Variants in FHIT observed in about 807,000 individuals in gnomAD.
FHIT encodes the protein fragile histidine triad diadenosine triphosphatase, also known as bis(5'-adenosyl)-triphosphatase.
A neutral mutation model predicts 17.9 loss-of-function variants in FHIT; 19 were observed. That is an observed-to-expected ratio of 1.06 (90% CI 0.74 to 1.56). FHIT has a LOEUF of 1.56. Ranked by LOEUF, FHIT falls within the 40% of genes most tolerant of loss-of-function variation. The pLI is 0.00. For missense variants in FHIT, 248 were observed against 189.2 expected, an observed-to-expected ratio of 1.31 and a Z score of -1.82; for synonymous variants, 81 against 69.7, an observed-to-expected ratio of 1.16 and a Z score of -0.81.
intron 5 of FHIT, among the ~76,000 whole-genome samples, chr3:60,355,537 A>T (rs1377388054): frequency 6.6e-6 from 1 of 152,190 alleles, no homozygotes; most frequent in Non-Finnish European, 1.5e-5. Flanking sequence ...AAAAGGCTGC[A>T]TACAATTTTT....
At chr3:60,223,242 C>T (rs965504191) in intron 5 of FHIT, among the ~76,000 whole-genome samples, 1 of 152,234 alleles carries the variant, frequency 6.6e-6, no homozygotes, top group Non-Finnish European at 1.5e-5. Flanking sequence ...TATTACAATA[C>T]CCCTTTGAGG....
At chr3:60,857,179 G>A (rs1703423322) in intron 3 of FHIT, among the ~76,000 whole-genome samples, 1 of 152,082 alleles carries the variant, frequency 6.6e-6, no homozygotes, top group South Asian at 2.1e-4. Context: ...ATCTTGGGAG[G>A]GGGGATTCTA....
intron 5 of FHIT, among the ~76,000 whole-genome samples, chr3:60,427,917 A>G (rs964065844): frequency 2.6e-5 from 4 of 151,960 alleles, no homozygotes; most frequent in Non-Finnish European, 5.9e-5. Context: ...CATCCTCCCA[A>G]TCATTTAGTT....
intron 4 of FHIT, among the ~76,000 whole-genome samples, chr3:60,543,149 G>A (rs1041579032): frequency 4.6e-5 from 7 of 152,058 alleles, no homozygotes; most frequent in African/African-American, 1.7e-4. Flanking sequence ...CACAATGTCT[G>A]TTGCAATTAC....
At chr3:60,310,128 C>T (rs1025872677) in intron 5 of FHIT, among the ~76,000 whole-genome samples, 3 of 151,988 alleles carry the variant, frequency 2.0e-5, no homozygotes, top group African/African-American at 7.3e-5. Flanking sequence ...ATTTCTCTGC[C>T]GTGGGAAAGG....
chr3:60,760,649 T>C lies in FHIT; in HGVS notation c.-18+61270A>G, dbSNP rs918068949. Reference sequence around the variant, plus strand: ...TGAGGAGTCAGAAAAGAAAAAGTAATGCCCAGCAAATTTCTCCTTCCTAAG... The same window carrying C: ...TGAGGAGTCAGAAAAGAAAAAGTAACGCCCAGCAAATTTCTCCTTCCTAAG... On this transcript the variant is annotated intron_variant, in intron 4 of 9. Transcript: ENST00000492590. Among the ~76,000 whole-genome samples, 9 of 152,182 alleles carry C rather than the reference T, an allele frequency of 5.9e-5. No homozygotes were observed. The East Asian group carries it at 1.7e-3, about 29-fold the overall frequency.
At chr3:60,166,397 A>G (rs1418175079) in intron 5 of FHIT, among the ~76,000 whole-genome samples, 1 of 152,174 alleles carries the variant, frequency 6.6e-6, no homozygotes, top group East Asian at 1.9e-4. Context: ...TTTGGCTGCT[A>G]TTTCAAACTT....
At chr3:60,050,522 T>C (rs571538220) in intron 5 of FHIT, among the ~76,000 whole-genome samples, 4 of 152,186 alleles carry the variant, frequency 2.6e-5, no homozygotes, top group Non-Finnish European at 5.9e-5. Context: ...ACTTTCTTAC[T>C]GAAAGAATGT....
intron 5 of FHIT, among the ~76,000 whole-genome samples, chr3:60,336,976 C>CA (rs1710272997): frequency 1.3e-5 from 2 of 151,560 alleles, no homozygotes; most frequent in Middle Eastern, 3.4e-3. Flanking sequence ...AAAATAAAAT[C>CA]AGTGGACAGA....
chr3:60,029,928 T>TGTGTGTGA (rs56924673), intron 5 of FHIT, among the ~76,000 whole-genome samples: 40 of 151,040 alleles, frequency 2.6e-4, no homozygotes, highest in African/African-American at 9.8e-4. Flanking sequence ...TGTGTGTGTG[T>TGTGTGTGA]ACAAATGTGA....
chr3:60,175,752 G>A (rs553021953), intron 5 of FHIT, among the ~76,000 whole-genome samples: 24 of 152,168 alleles, frequency 1.6e-4, no homozygotes, highest in East Asian at 5.8e-4. Context: ...CCAACAAATC[G>A]TTCACCAAGT....
At chr3:60,626,988 T>C (rs2039306644) in intron 4 of FHIT, among the ~76,000 whole-genome samples, 1 of 152,160 alleles carries the variant, frequency 6.6e-6, no homozygotes, top group Non-Finnish European at 1.5e-5. Flanking sequence ...TGATATGCTA[T>C]ATTACATTTA....
At chr3:60,369,065 C>G (rs1303554560) in intron 5 of FHIT, among the ~76,000 whole-genome samples, 2 of 152,118 alleles carry the variant, frequency 1.3e-5, no homozygotes, top group South Asian at 4.1e-4. Context: ...GTCAGCCTCC[C>G]AGGCTCAAGC....
At chr3:60,041,763 T>A (rs934518657) in intron 5 of FHIT, among the ~76,000 whole-genome samples, 2 of 152,212 alleles carry the variant, frequency 1.3e-5, no homozygotes, top group Non-Finnish European at 2.9e-5. Context: ...ATACATGAAA[T>A]TGCCTCTTTT....
intron 2 of FHIT, among the ~76,000 whole-genome samples, chr3:61,108,223 C>T (rs1349585645): frequency 6.6e-6 from 1 of 152,134 alleles, no homozygotes; most frequent in Non-Finnish European, 1.5e-5. Flanking sequence ...ATAATGTTCA[C>T]TAACCCATAC....
chr3:59,781,630 A>G (rs1702587544), intron 8 of FHIT, among the ~76,000 whole-genome samples: 1 of 152,234 alleles, frequency 6.6e-6, no homozygotes, highest in Admixed American at 6.5e-5. Context: ...GGTCCCAGAG[A>G]TGGCAAAAGT....
chr3:61,051,783 A>T (rs1021317312), intron 2 of FHIT, among the ~76,000 whole-genome samples: 2 of 152,204 alleles, frequency 1.3e-5, no homozygotes, highest in Non-Finnish European at 2.9e-5. Flanking sequence ...CTAATTTTGG[A>T]AACTCTATCA....
intron 8 of FHIT, among the ~76,000 whole-genome samples, chr3:59,843,031 T>C (rs1488334256): frequency 2.0e-5 from 3 of 152,164 alleles, no homozygotes; most frequent in Non-Finnish European, 4.4e-5. Context: ...AAGAGTTTTA[T>C]AGTTTTAGTT....
chr3:59,985,550 A>G (rs1028563587), intron 7 of FHIT, among the ~76,000 whole-genome samples: 14 of 152,124 alleles, frequency 9.2e-5, no homozygotes, highest in Non-Finnish European at 1.2e-4. Context: ...GCTAAAAGGT[A>G]ATTTTATCTG....
Sources: allele counts gnomAD v4.1 joint callset (sites outside exome capture counted in the v4.1 genomes callset), GRCh38; gene constraint gnomAD v4.1.1; transcripts MANE v1.5; gene names NCBI Gene and HGNC (gene_info 2026-07-23, HGNC 2026-07-21).